PPP1R42: variants seen among roughly 807,000 people sequenced by gnomAD.
PPP1R42 encodes the protein protein phosphatase 1 regulatory subunit 42, also known as leucine rich repeat containing 67.
Under a neutral mutation model 31.0 loss-of-function variants are expected in PPP1R42, and 34 were observed. That is an observed-to-expected ratio of 1.10 (90% CI 0.83 to 1.46). PPP1R42 has a LOEUF of 1.46. PPP1R42 is among the 40% of genes most tolerant of loss of function. PPP1R42 has a pLI of 0.00. For synonymous variants in PPP1R42, 103 were observed against 109.8 expected (o/e 0.94, Z 0.39); for missense variants, 268 against 303.0 (o/e 0.88, Z 0.86).
Position 66,985,480 on chromosome 8 carries a change from T to G in PPP1R42, c.670+2920A>C, listed in dbSNP as rs1814980877. ...TAGGATCAGTGGTGTAGGTTTAATT[T>G]GGTCTTTTAACTCCCCCTTTGGGGA... On this transcript the variant is annotated intron_variant, in intron 6 of 7. Coordinates refer to ENST00000685739, the MANE Select transcript of PPP1R42 (RefSeq NM_001364910.1). 4.0e-6 allele frequency: 4 copies of G among 1,005,072 alleles called. No individual in the cohort carries two copies. The African/African-American group carries it at 6.3e-5, about 16-fold the overall frequency. The allele number at this position is 1,005,072 out of a possible 1,614,324, so 62.3% of individuals were successfully genotyped here.
chr8:66,969,632 T>TGTTC (rs554035957), intron 7 of PPP1R42, among the ~76,000 whole-genome samples: 33 of 152,290 alleles, frequency 2.2e-4, no homozygotes, highest in Admixed American at 1.4e-3. Flanking sequence ...GCAGCAGTAA[T>TGTTC]GTTCACAGGG....
chr8:66,970,723 C>A, intron 7 of PPP1R42: 2 of 468,432 alleles, frequency 4.3e-6, no homozygotes, highest in South Asian at 1.6e-5. Flanking sequence ...TTTTCGGAGT[C>A]TCCTACCTTA....
intron 5 of PPP1R42, among the ~76,000 whole-genome samples, chr8:67,001,364 A>G (rs2129536595): frequency 6.6e-6 from 1 of 150,470 alleles, no homozygotes; most frequent in African/African-American, 2.4e-5. Flanking sequence ...GATTTAAAAA[A>G]AAATCCGGTC....
chr8:66,968,490 A>T, intron 7 of PPP1R42: 1 of 985,184 alleles, frequency 1.0e-6, no homozygotes, highest in Non-Finnish European at 1.2e-6. Flanking sequence ...GAGTGTAGGG[A>T]CACGTCTGCT....
intron 5 of PPP1R42, among the ~76,000 whole-genome samples, chr8:67,007,956 G>A (rs1305695127): frequency 2.8e-5 from 4 of 144,854 alleles, no homozygotes; most frequent in South Asian, 2.2e-4. Flanking sequence ...GGCAGATCTC[G>A]GCTCACTGCA....
chr8:66,976,944 T>C (rs1814693315), intron 7 of PPP1R42, among the ~76,000 whole-genome samples: 1 of 152,142 alleles, frequency 6.6e-6, no homozygotes, highest in South Asian at 2.1e-4. Flanking sequence ...CTAGATCATA[T>C]GGTAGTTCTT....
At chr8:66,992,438 A>G (rs1815213886) in intron 5 of PPP1R42, among the ~76,000 whole-genome samples, 1 of 152,166 alleles carries the variant, frequency 6.6e-6, no homozygotes, top group South Asian at 2.1e-4. Context: ...TAAAACATCT[A>G]ACTAATAGAA....
intron 7 of PPP1R42, among the ~76,000 whole-genome samples, chr8:66,978,203 C>G (rs1268787759): frequency 6.6e-6 from 1 of 152,142 alleles, no homozygotes; most frequent in Non-Finnish European, 1.5e-5. Flanking sequence ...AAAGGCACAT[C>G]TTACATGGTG....
chr8:66,991,604 T>G (rs974650739), intron 5 of PPP1R42, among the ~76,000 whole-genome samples: 1 of 152,206 alleles, frequency 6.6e-6, no homozygotes, highest in Admixed American at 6.5e-5. Context: ...CTGCCTTTGA[T>G]TTCACACTTT....
At chr8:66,989,383 C>T (rs1585651676) in intron 5 of PPP1R42, among the ~76,000 whole-genome samples, 8 of 152,120 alleles carry the variant, frequency 5.3e-5, no homozygotes, top group Admixed American at 4.6e-4. Flanking sequence ...TTCCTCAGTA[C>T]TTTGTCTGTT....
Position 66,985,673 on chromosome 8 carries a change from T to A in PPP1R42, c.670+2727A>T. 3.0e-6 allele frequency: 4 copies of A among 1,328,728 alleles called. No individual in the cohort carries two copies. In the South Asian group the frequency reaches 4.7e-5, roughly 16 times the overall value. The allele number at this position is 1,328,728 out of a possible 1,614,324, so 82.3% of individuals were successfully genotyped here. ...GTGGCACCCTGGGAGGGCTGAATAGTGTGGCCAATTGGAAGTTGCTCTGGT... is the reference window on the plus strand; with the variant it reads ...GTGGCACCCTGGGAGGGCTGAATAGAGTGGCCAATTGGAAGTTGCTCTGGT... On this transcript the variant is annotated intron_variant, in intron 6 of 7. Coordinates refer to ENST00000685739, the MANE Select transcript of PPP1R42 (RefSeq NM_001364910.1).
intron 5 of PPP1R42, among the ~76,000 whole-genome samples, chr8:67,008,186 C>T (rs1385447300): frequency 6.6e-6 from 1 of 152,046 alleles, no homozygotes; most frequent in East Asian, 1.9e-4. Context: ...TTGTTAATCT[C>T]TTAGTATGCC....
intron 6 of PPP1R42, chr8:66,984,520 G>A: frequency 7.9e-7 from 1 of 1,261,360 alleles, no homozygotes; most frequent in African/African-American, 1.5e-5. Flanking sequence ...GAACTTCTTG[G>A]CTGGGGTGCT....
chr8:66,965,828 C>A (rs755078790), intron 7 of PPP1R42, among the ~76,000 whole-genome samples: 9 of 151,980 alleles, frequency 5.9e-5, no homozygotes, highest in Admixed American at 1.3e-4. Context: ...AAAGCTGGGG[C>A]AGGAGGATTG....
intron 7 of PPP1R42, among the ~76,000 whole-genome samples, chr8:66,973,512 G>GTCTCTA (rs1466958704): frequency 1.1e-4 from 17 of 152,038 alleles, no homozygotes; most frequent in African/African-American, 4.1e-4. Flanking sequence ...CGCCATATTG[G>GTCTCTA]CCAGGCTGGT....
At chr8:66,990,149 C>T (rs1203944596) in intron 5 of PPP1R42, among the ~76,000 whole-genome samples, 5 of 152,080 alleles carry the variant, frequency 3.3e-5, no homozygotes, top group African/African-American at 7.2e-5. Context: ...TTAATAGAGC[C>T]GTAACTATCT....
At chr8:66,998,708 T>G (rs1471759185) in intron 5 of PPP1R42, among the ~76,000 whole-genome samples, 1 of 152,252 alleles carries the variant, frequency 6.6e-6, no homozygotes, top group Non-Finnish European at 1.5e-5. Context: ...ACTATCAGGT[T>G]AAGTTCCTTT....
chr8:67,011,236 T>G (rs1338801718), intron 4 of PPP1R42, among the ~76,000 whole-genome samples: 3 of 152,228 alleles, frequency 2.0e-5, no homozygotes, highest in Non-Finnish European at 4.4e-5. Context: ...TACTAACATT[T>G]GTACTTACAT....
chr8:67,005,046 G>A (rs1006743083), intron 5 of PPP1R42, among the ~76,000 whole-genome samples: 2 of 151,804 alleles, frequency 1.3e-5, no homozygotes, highest in African/African-American at 2.4e-5. Flanking sequence ...GTATGCATGA[G>A]AGGGAGATAA....
Sources: gnomAD v4.1 joint callset for allele counts (sites outside exome capture counted in the v4.1 genomes callset) on GRCh38, gnomAD v4.1.1 for gene constraint, MANE v1.5 for transcripts, NCBI Gene and HGNC (gene_info 2026-07-23, HGNC 2026-07-21) for gene names.